COL4A2: variants seen among roughly 807,000 people sequenced by gnomAD.
COL4A2 encodes the protein collagen alpha-2(IV) chain.
A neutral mutation model predicts 200.2 loss-of-function variants in COL4A2; 99 were observed. The ratio of observed to expected loss-of-function variants is 0.49; its 90% confidence interval spans 0.42 to 0.58. The LOEUF (loss-of-function observed/expected upper bound fraction) is 0.58, where lower values mean the gene tolerates loss of function less well. COL4A2 is among the 20% of genes least tolerant of loss of function. COL4A2 has a pLI of 0.00. For missense variants in COL4A2, 1,950 were observed against 2,314.1 expected, an observed-to-expected ratio of 0.84 and a Z score of 3.23; for synonymous variants, 897 against 900.6, an observed-to-expected ratio of 1.00 and a Z score of 0.07.
chr13:110,507,177 ACT>A (rs1438241453), intron 46 of COL4A2, among the ~76,000 whole-genome samples: 1 of 152,230 alleles, frequency 6.6e-6, no homozygotes, highest in Non-Finnish European at 1.5e-5. Flanking sequence ...TCTCTGGGAT[ACT>A]GGCTGTGTTC....
At chr13:110,488,841 A>T (rs576253225) in intron 34 of COL4A2, among the ~76,000 whole-genome samples, 1 of 152,230 alleles carries the variant, frequency 6.6e-6, no homozygotes, top group Non-Finnish European at 1.5e-5. Context: ...CGCCGCTGAC[A>T]TCACCACACT....
intron 15 of COL4A2, 22 bp downstream of exon 15, chr13:110,438,690 T>G (rs993138387): frequency 6.2e-7 from 1 of 1,614,214 alleles, no homozygotes; most frequent in African/African-American, 1.3e-5. Context: ...CTTTTATAAC[T>G]GCAGTTGTCG....
intron 40 of COL4A2, among the ~76,000 whole-genome samples, chr13:110,499,450 T>C (rs115521801): frequency 0.016 from 2,430 of 152,246 alleles, 64 homozygotes; most frequent in African/African-American, 0.053. Context: ...AGCATGAGGA[T>C]AGCCACCCCC....
intron 19 of COL4A2, 139 bp from the exon 20 acceptor site, chr13:110,450,166 C>T: frequency 1.4e-6 from 1 of 695,758 alleles, no homozygotes; most frequent in Non-Finnish European, 2.5e-6. Flanking sequence ...TGAACTATAC[C>T]AATGGCTTCT....
At chr13:110,421,441 C>T (rs548681640) in intron 4 of COL4A2, among the ~76,000 whole-genome samples, 10 of 152,242 alleles carry the variant, frequency 6.6e-5, no homozygotes, top group African/African-American at 2.4e-4. Context: ...GGTAATGAAC[C>T]CCAAAAACAT....
chr13:110,505,137 G>T (rs71449101), intron 45 of COL4A2, among the ~76,000 whole-genome samples: 12,868 of 149,930 alleles, frequency 0.086, 586 homozygotes, highest in Middle Eastern at 0.11. Flanking sequence ...GATCACAAGG[G>T]CAGGAGATCG....
chr13:110,491,409 C>A, intron 37 of COL4A2, 69 bp downstream of exon 37: 1 of 988,630 alleles, frequency 1.0e-6, no homozygotes. Flanking sequence ...CAAAGGCGGT[C>A]AACATTGTCA....
chr13:110,348,756 G>T (rs1876822814), intron 3 of COL4A2, among the ~76,000 whole-genome samples: 1 of 151,814 alleles, frequency 6.6e-6, no homozygotes, highest in South Asian at 2.1e-4. Flanking sequence ...CTTGGCGTAG[G>T]TTTTTCAGTA....
intron 4 of COL4A2, among the ~76,000 whole-genome samples, chr13:110,363,073 C>T (rs1877586217): frequency 1.3e-5 from 2 of 152,178 alleles, no homozygotes; most frequent in Non-Finnish European, 2.9e-5. Context: ...TTGGATAACT[C>T]CGTGTTGGGA....
intron 4 of COL4A2, among the ~76,000 whole-genome samples, chr13:110,390,168 A>AC (rs777749483): frequency 6.6e-6 from 1 of 152,138 alleles, no homozygotes; most frequent in South Asian, 2.1e-4. Context: ...AGACACAATC[A>AC]CCCCACTCAG....
chr13:110,428,551 C>T lies in COL4A2; in HGVS notation c.445C>T (p.Pro149Ser). The change falls in exon 7 of 48, where the codon CCC becomes TCC. Residue 149 changes from proline to serine, a missense_variant. By Grantham distance (74) the Pro-to-Ser change is moderately conservative (BLOSUM62 -1). Coordinates refer to ENST00000360467, the MANE Select transcript of COL4A2 (RefSeq NM_001846.4). ...GTQGDSGPQG[P>S]PGSEGFTGPP... is the part of the protein sequence containing the mutation. ...CCAGGGAGACTCAGGTCCACAGGGG[C>T]CCCCCGGCTCTGAGGGGTTCACCGG... 5 of 1,572,344 alleles carry T rather than the reference C, an allele frequency of 3.2e-6. No homozygotes were observed. Among genetic ancestry groups the T allele is most frequent in the Non-Finnish European group, 4.3e-6 (5 of 1,163,556 alleles).
At chr13:110,410,773 C>T (rs889438482) in intron 4 of COL4A2, among the ~76,000 whole-genome samples, 1 of 152,108 alleles carries the variant, frequency 6.6e-6, no homozygotes, top group Non-Finnish European at 1.5e-5. Flanking sequence ...TGAATATTTC[C>T]ATTTCCCAAA....
chr13:110,390,580 A>G (rs940798403), intron 4 of COL4A2, among the ~76,000 whole-genome samples: 1 of 152,228 alleles, frequency 6.6e-6, no homozygotes, highest in Non-Finnish European at 1.5e-5. Flanking sequence ...AAACTTGTGT[A>G]TTGGGAACTT....
rs748187379 is a variant in COL4A2 at position 110,465,567 on chromosome 13, C to T, written c.1939C>T (p.Leu647=). Residue 647 remains leucine, a synonymous_variant, in exon 25 of 48, where the codon CTG becomes TTG. Coordinates refer to ENST00000360467, the MANE Select transcript of COL4A2 (RefSeq NM_001846.4). The stretch of plus-strand genomic sequence containing the variant: ...CGGCTTACCTGGACCACCAGGCTTC[C>T]TGGGCCCTCCTGGCCCCGCAGGGAC... ...DAGLPGPPGF[L]GPPGPAGTPG... The T allele has an allele frequency of 6.2e-7, 1 of 1,613,852 alleles. No homozygotes were observed. Among genetic ancestry groups the T allele is most frequent in the Admixed American group, 1.7e-5 (1 of 60,004 alleles).
In COL4A2 at chr13:110,425,421, C is replaced by T. The variant is rs182215850; in HGVS notation, c.360+424C>T. ...TTCTTTACAGCAACCTCACATAAAA[C>T]GAAAAACAAAAGGCATGGTTTGTTC... is the stretch of plus-strand genomic sequence containing the variant. On this transcript the variant is annotated intron_variant, in intron 6 of 47. Transcript: ENST00000360467. Among the ~76,000 whole-genome samples the T allele has an allele frequency of 6.3e-4, 96 of 152,148 alleles. 1 individual carries two copies. Among genetic ancestry groups the T allele is most frequent in the African/African-American group, 2.2e-3 (92 of 41,520 alleles).
At chr13:110,458,703 GA>G in intron 21 of COL4A2, 67 bp from the exon 22 acceptor site, 1 of 1,599,084 alleles carries the variant, frequency 6.3e-7, no homozygotes, top group East Asian at 2.2e-5. Flanking sequence ...CCCGCTGCCT[GA>G]TACCCCTCTC....
chr13:110,455,290 G>A (rs541552388), intron 20 of COL4A2, among the ~76,000 whole-genome samples: 82 of 152,266 alleles, frequency 5.4e-4, no homozygotes, highest in African/African-American at 1.9e-3. Context: ...CCACTCTGCG[G>A]GCGCTGGCCT....
At chr13:110,433,972 A>G (rs1457023950) in intron 11 of COL4A2, among the ~76,000 whole-genome samples, 1 of 152,218 alleles carries the variant, frequency 6.6e-6, no homozygotes, top group Non-Finnish European at 1.5e-5. Flanking sequence ...AAAGATAGGT[A>G]AAGTTTATAT....
chr13:110,434,509 T>C (rs1474172240), intron 12 of COL4A2, 67 bp downstream of exon 12: 9 of 1,503,644 alleles, frequency 6.0e-6, no homozygotes, highest in Non-Finnish European at 7.4e-6. Context: ...TAAATCATTT[T>C]AATTACTAAG....
Sources: gnomAD v4.1 joint callset for allele counts (sites outside exome capture counted in the v4.1 genomes callset) on GRCh38, gnomAD v4.1.1 for gene constraint, MANE v1.5 for transcripts, NCBI Gene and HGNC (gene_info 2026-07-23, HGNC 2026-07-21) for gene names.